UNC5A: variants seen among roughly 807,000 people sequenced by gnomAD.
UNC5A encodes netrin receptor UNC5A.
UNC5A carries 20 observed loss-of-function variants against 87.4 expected under a neutral mutation model. That is an observed-to-expected ratio of 0.23 (90% CI 0.16 to 0.33). UNC5A has a LOEUF of 0.33. UNC5A is among the 10% of genes least tolerant of loss of function. The probability of loss-of-function intolerance (pLI) is 1.00; values close to 1 mark genes in which losing one functional copy is unlikely to be tolerated. For missense variants in UNC5A, 844 were observed against 1,133.4 expected, an observed-to-expected ratio of 0.74 and a Z score of 3.67; for synonymous variants, 438 against 482.3, an observed-to-expected ratio of 0.91 and a Z score of 1.20.
At chr5:176,826,259 C>G (rs1425052890) in intron 1 of UNC5A, among the ~76,000 whole-genome samples, 1 of 152,226 alleles carries the variant, frequency 6.6e-6, no homozygotes, top group Non-Finnish European at 1.5e-5. Flanking sequence ...CAGATACACT[C>G]TTCTGCCCCA....
intron 1 of UNC5A, among the ~76,000 whole-genome samples, chr5:176,813,078 C>T (rs574464888): frequency 1.3e-5 from 2 of 152,360 alleles, no homozygotes; most frequent in South Asian, 4.1e-4. Flanking sequence ...TGTTGCTGGA[C>T]ATCACACAAA....
chr5:176,818,778 A>G (rs1306419845), intron 1 of UNC5A, among the ~76,000 whole-genome samples: 2 of 152,192 alleles, frequency 1.3e-5, no homozygotes, highest in African/African-American at 4.8e-5. Context: ...TGTGGCCTCA[A>G]GTGAACTCCC....
At chr5:176,819,672 G>A (rs543863976) in intron 1 of UNC5A, among the ~76,000 whole-genome samples, 1 of 152,258 alleles carries the variant, frequency 6.6e-6, no homozygotes, top group South Asian at 2.1e-4. Flanking sequence ...TTCCATCATT[G>A]GTCCACCTCC....
intron 1 of UNC5A, among the ~76,000 whole-genome samples, chr5:176,830,475 T>G (rs1378195602): frequency 5.8e-5 from 8 of 137,092 alleles, no homozygotes; most frequent in African/African-American, 2.3e-4. Flanking sequence ...TGTGTGCTGG[T>G]GTGTGTGTGC....
At chr5:176,825,292 AG>A (rs1443072007) in intron 1 of UNC5A, among the ~76,000 whole-genome samples, 1 of 152,122 alleles carries the variant, frequency 6.6e-6, no homozygotes, top group African/African-American at 2.4e-5. Flanking sequence ...GGAAGCCAAA[AG>A]GGGGCCCGGG....
At chr5:176,834,946 T>C (rs1444293498) in intron 1 of UNC5A, among the ~76,000 whole-genome samples, 2 of 152,202 alleles carry the variant, frequency 1.3e-5, no homozygotes, top group African/African-American at 4.8e-5. Flanking sequence ...ACTCTTCTTA[T>C]CCCCATAGCT....
chr5:176,878,332 G>T lies in UNC5A; in HGVS notation c.1958G>T (p.Arg653Leu). 1 of 1,613,512 alleles carries T rather than the reference G, an allele frequency of 6.2e-7. No homozygotes were observed. The highest frequency in any genetic ancestry group is 8.5e-7 in the Non-Finnish European group (1 of 1,180,020). ...TTCAAGGACAGTTACCACAACCTGC[G>T]CCTATCCATCCACGATGTGCCCAGC... ...LHFKDSYHNL[R>L]LSIHDVPSSL... The change falls in exon 12 of 15, where the codon CGC (arginine) becomes CTC (leucine). Residue 653 changes from arginine (R) to leucine (L), a missense_variant. Coordinates refer to ENST00000329542, the MANE Select transcript of UNC5A (RefSeq NM_133369.3).
Position 176,862,729 on chromosome 5 carries a change from A to C in UNC5A, c.176A>C (p.Lys59Thr), listed in dbSNP as rs1259498304. 3.7e-6 allele frequency: 6 copies of C among 1,613,466 alleles called. No homozygotes were observed. The highest frequency in any genetic ancestry group is 5.1e-6 in the Non-Finnish European group (6 of 1,180,004). ...EPEDVYIVKNKPVLLVCKAVP... is the reference protein window; with the variant it reads ...EPEDVYIVKNTPVLLVCKAVP... The stretch of plus-strand genomic sequence containing the variant: ...GAGGATGTGTACATCGTCAAGAACA[A>C]GCCAGTGCTGCTTGTGTGCAAGGCC... Residue 59 changes from lysine to threonine, a missense_variant, in exon 2 of 15, where the codon AAG becomes ACG. By Grantham distance (78) the Lys-to-Thr change is moderately conservative. This residue lies in a region of UNC5A where 314 missense variants were observed against 466.5 expected (regional missense o/e 0.67). Transcript: ENST00000329542.
Position 176,848,320 on chromosome 5 carries a change from C to G in UNC5A, c.71-14304C>G, listed in dbSNP as rs1757463029. On this transcript the variant is annotated intron_variant, in intron 1 of 14. Coordinates refer to ENST00000329542, the MANE Select transcript of UNC5A (RefSeq NM_133369.3). This position sits in a 1 kb window ranked among gnomAD's most constrained non-coding sequence, Gnocchi z 5.8. ...TGTGCAGGGATCTGAGGCCCTGGGA[C>G]TCAGGGCCCAGACAGGGCAGCGGCT... Among the ~76,000 whole-genome samples, 1 of 152,142 alleles carries G rather than the reference C, an allele frequency of 6.6e-6. No individual in the cohort carries two copies. The highest frequency in any genetic ancestry group is 2.1e-4 in the South Asian group (1 of 4,822).
At position 176,878,162 on chromosome 5, in the gene UNC5A, G is replaced by T. The variant is rs767846717; in HGVS notation, c.1869+35G>T. 1.9e-6 allele frequency: 3 copies of T among 1,603,764 alleles called. No homozygotes were observed. The Admixed American group carries it at 5.0e-5, about 27-fold the overall frequency. On this transcript the variant is annotated intron_variant, in intron 11 of 14. Coordinates refer to ENST00000329542, the MANE Select transcript of UNC5A (RefSeq NM_133369.3). ...GCCCCTCACCCCCCGCCGCTGGGAG[G>T]CCGAGCTATGCCTGGCCCTGTGGAC...
chr5:176,833,010 G>T (rs1015981253), intron 1 of UNC5A, among the ~76,000 whole-genome samples: 1 of 152,198 alleles, frequency 6.6e-6, no homozygotes, highest in Non-Finnish European at 1.5e-5. Context: ...CCTCCCCAGT[G>T]CCACACACAG....
chr5:176,823,624 G>A (rs1002052703), intron 1 of UNC5A, among the ~76,000 whole-genome samples: 1 of 151,984 alleles, frequency 6.6e-6, no homozygotes, highest in African/African-American at 2.4e-5. Context: ...GGCTGAGGGA[G>A]ACCCTCCCAG....
At chr5:176,842,313 A>G (rs1290733687) in intron 1 of UNC5A, among the ~76,000 whole-genome samples, 3 of 152,250 alleles carry the variant, frequency 2.0e-5, no homozygotes, top group Non-Finnish European at 4.4e-5. Context: ...GACAGTGTGG[A>G]GATTCCTTAA....
intron 1 of UNC5A, among the ~76,000 whole-genome samples, chr5:176,829,827 G>A (rs181719735): frequency 1.3e-5 from 2 of 149,212 alleles, no homozygotes; most frequent in East Asian, 2.0e-4. Flanking sequence ...TCATTACCAC[G>A]GGGCTGGTTC....
In UNC5A at chr5:176,844,170, G is replaced by A. The variant is rs370537791; in HGVS notation, c.71-18454G>A. Among the ~76,000 whole-genome samples, 7 of 152,302 alleles carry A rather than the reference G, an allele frequency of 4.6e-5. No homozygotes were observed. Among genetic ancestry groups the A allele is most frequent in the African/African-American group, 1.7e-4 (7 of 41,562 alleles). On this transcript the variant is annotated intron_variant, in intron 1 of 14. Transcript: ENST00000329542. This position sits in a 1 kb window ranked among gnomAD's most constrained non-coding sequence, Gnocchi z 4.2. ...GAATAAAAGCTGTGACTAAACTCAG[G>A]TCCATGCTGATTGTAGCGTCTCAGG... is the stretch of plus-strand genomic sequence containing the variant.
Position 176,874,542 on chromosome 5 carries a change from G to T in UNC5A, c.1354G>T (p.Gly452Cys). 1 of 1,574,532 alleles carries T rather than the reference G, an allele frequency of 6.4e-7. No individual in the cohort carries two copies. The highest frequency in any genetic ancestry group is 1.2e-5 in the South Asian group (1 of 85,036). The stretch of plus-strand genomic sequence containing the variant: ...CTATGGGACCTTCAACTTCCTCGGG[G>T]GCCGGCTGATGATCCCTAATACAGG... ...MTYGTFNFLG[G>C]RLMIPNTGIS... The change falls in exon 8 of 15, where the codon GGC becomes TGC. Residue 452 changes from glycine (G) to cysteine (C), a missense_variant. Physicochemically the swap from Gly to Cys is radical, Grantham distance 159. Coordinates refer to ENST00000329542, the MANE Select transcript of UNC5A (RefSeq NM_133369.3). The surrounding 1 kb of genome is among the most constrained non-coding windows in gnomAD (Gnocchi z 7.6).
chr5:176,862,411 T>TG (rs1295182029), intron 1 of UNC5A, among the ~76,000 whole-genome samples: 2 of 152,228 alleles, frequency 1.3e-5, no homozygotes, highest in African/African-American at 4.8e-5. Flanking sequence ...CAGGATGGCA[T>TG]GGGCTGCTCC....
intron 5 of UNC5A, 144 bp from the exon 6 acceptor site, chr5:176,870,226 G>A (rs1046022430): frequency 1.3e-5 from 13 of 1,015,588 alleles, no homozygotes; most frequent in South Asian, 1.7e-5. Flanking sequence ...GGCGTGCATC[G>A]TGGGCCTGGC....
At chr5:176,847,887 C>G (rs1757452531) in intron 1 of UNC5A, among the ~76,000 whole-genome samples, 1 of 151,688 alleles carries the variant, frequency 6.6e-6, no homozygotes, top group Non-Finnish European at 1.5e-5. Context: ...ATGGGCCTGC[C>G]CTTCCACAGC....
Sources: allele counts gnomAD v4.1 joint callset (sites outside exome capture counted in the v4.1 genomes callset), GRCh38; gene constraint gnomAD v4.1.1; regional missense constraint gnomAD v4.1.1; non-coding constraint Gnocchi (gnomAD v3.1); transcripts MANE v1.5; gene names NCBI Gene and HGNC (gene_info 2026-07-23, HGNC 2026-07-21).